Variants in PCNT observed in about 807,000 individuals in gnomAD.
PCNT encodes the protein pericentrin.
Under a neutral mutation model 380.4 loss-of-function variants are expected in PCNT, and 319 were observed. The observed-to-expected ratio is 0.84, with a 90% CI of 0.77 to 0.92. PCNT has a LOEUF of 0.92. Among genes scored for constraint, PCNT ranks in the 40% least tolerant of loss-of-function variants. The pLI is 0.00. For synonymous variants in PCNT, 1,845 were observed against 1,735.2 expected, an observed-to-expected ratio of 1.06 and a Z score of -1.57; for missense variants, 4,400 against 4,255.3, an observed-to-expected ratio of 1.03 and a Z score of -0.95.
At chr21:46,326,764 C>T (rs184954025) in intron 2 of PCNT, among the ~76,000 whole-genome samples, 175 bp downstream of exon 2, 12 of 152,170 alleles carry the variant, frequency 7.9e-5, no homozygotes, top group Admixed American at 1.3e-4. Flanking sequence ...CTGTAATCCC[C>T]GCACTTTGGG....
rs1569177447 is a variant in PCNT, at chr21:46,346,727, C to G, written c.721-16C>G. ...CTGACCATGGGCCCTTATCAGAGGC[C>G]TTTTCTCCGCCGCAGGCCGTGCATG... On this transcript the variant is annotated splice_polypyrimidine_tract_variant and intron_variant, in intron 4 of 46. Transcript: ENST00000359568. 1.3e-6 allele frequency: 2 copies of G among 1,591,134 alleles called. No homozygotes were observed. Among genetic ancestry groups the G allele is most frequent in the South Asian group, 1.1e-5 (1 of 87,264 alleles).
At position 46,445,563 on chromosome 21, in the gene PCNT, G is replaced by C. The variant is rs1280800751; in HGVS notation, c.*236G>C. 1.2e-5 allele frequency: 7 copies of C among 568,040 alleles called. No homozygotes were observed. The East Asian group carries it at 2.1e-4, about 17-fold the overall frequency. The allele number at this position is 568,040 out of a possible 1,614,324, so 35.2% of individuals were successfully genotyped here. ...GGCCCATGACCTTCGTGAGGTGACG[G>C]GCACTCACTCCCATGAGCCCTGGCT... On this transcript the variant is annotated 3_prime_UTR_variant, in exon 47 of 47. Coordinates refer to ENST00000359568, the MANE Select transcript of PCNT (RefSeq NM_006031.6).
In PCNT at chr21:46,425,806, C is replaced by T. The variant is rs1226486103; in HGVS notation, c.7180-25C>T. ...GCTGTGTGGGGTGGCAGGCAACTCC[C>T]TTCTGACGCGCTTTCCCGCCACAGG... is the stretch of plus-strand genomic sequence containing the variant. On this transcript the variant is annotated intron_variant, in intron 32 of 46. Transcript: ENST00000359568. The surrounding 1 kb of genome is among the most constrained non-coding windows in gnomAD (Gnocchi z 4.2). 2 of 1,612,516 alleles carry T rather than the reference C, an allele frequency of 1.2e-6. No individual in the cohort carries two copies. The highest frequency in any genetic ancestry group is 1.7e-6 in the Non-Finnish European group (2 of 1,179,842).
chr21:46,439,989 A>G (rs2053563685), intron 41 of PCNT, 94 bp from the exon 42 acceptor site: 1 of 1,513,908 alleles, frequency 6.6e-7, no homozygotes, highest in Non-Finnish European at 9.2e-7. Context: ...CTCCCCGCAC[A>G]TGGCCTTCTC....
intron 21 of PCNT, among the ~76,000 whole-genome samples, chr21:46,394,178 C>G (rs969129563): frequency 6.6e-6 from 1 of 152,250 alleles, no homozygotes; most frequent in South Asian, 2.1e-4. Flanking sequence ...GGCCTAGGCT[C>G]TGACGGTGGC....
At chr21:46,440,062 G>T (rs757539986) in intron 41 of PCNT, 21 bp from the exon 42 acceptor site, 2 of 1,613,632 alleles carry the variant, frequency 1.2e-6, no homozygotes, top group South Asian at 2.2e-5. Context: ...TGTAGACAGC[G>T]CTGGCTGTGC....
In PCNT at chr21:46,326,481, G is replaced by C. The variant is rs779505451; in HGVS notation, c.159G>C (p.Glu53Asp). The C allele has an allele frequency of 1.9e-6, 3 of 1,614,256 alleles. No individual in the cohort carries two copies. The highest frequency in any genetic ancestry group is 2.2e-5 in the South Asian group (2 of 91,090). Residue 53 changes from glutamate (E) to aspartate (D), a missense_variant, in exon 2 of 47, where the codon GAG becomes GAC. Coordinates refer to ENST00000359568, the MANE Select transcript of PCNT (RefSeq NM_006031.6). ...CTGTCGATGCGTCTGTCCAGGAGGA[G>C]AGTCCGGTAACCAAGGAGGACAGCG... ...GSAVDASVQEESPVTKEDSAL... is the reference protein window; with the variant it reads ...GSAVDASVQEDSPVTKEDSAL...
chr21:46,345,355 C>T (rs1419585566), intron 3 of PCNT, among the ~76,000 whole-genome samples: 1 of 152,012 alleles, frequency 6.6e-6, no homozygotes, highest in Non-Finnish European at 1.5e-5. Flanking sequence ...GTAGCTGGGA[C>T]TACAGGTGCC....
intron 5 of PCNT, among the ~76,000 whole-genome samples, chr21:46,347,230 G>C (rs559483659): frequency 6.6e-6 from 1 of 152,186 alleles, no homozygotes; most frequent in Non-Finnish European, 1.5e-5. Flanking sequence ...TGATAGGTGC[G>C]ACCCAGGGCT....
intron 41 of PCNT, among the ~76,000 whole-genome samples, chr21:46,438,627 A>G (rs1314904172): frequency 1.3e-5 from 2 of 151,806 alleles, no homozygotes; most frequent in Non-Finnish European, 2.9e-5. Context: ...TAAGAATATT[A>G]TAATCTGATC....
chr21:46,329,525 G>C (rs530088130), intron 2 of PCNT, among the ~76,000 whole-genome samples: 10 of 152,002 alleles, frequency 6.6e-5, no homozygotes, highest in African/African-American at 2.2e-4. Context: ...CATGTATTTT[G>C]GACATCTTAA....
intron 15 of PCNT, among the ~76,000 whole-genome samples, chr21:46,369,321 G>A (rs1234683039): frequency 6.6e-6 from 1 of 152,212 alleles, no homozygotes; most frequent in Non-Finnish European, 1.5e-5. Flanking sequence ...AGATCCTCTT[G>A]CCTTGGCCTC....
At chr21:46,386,578 C>T (rs1424947039) in intron 17 of PCNT, among the ~76,000 whole-genome samples, 3 of 152,220 alleles carry the variant, frequency 2.0e-5, no homozygotes, top group Admixed American at 6.5e-5. Context: ...GCCGTGGGGC[C>T]GCCTTCCCTG....
rs2087274974 is a variant in PCNT, at chr21:46,422,043, G to A, written c.7098G>A (p.Val2366=). 1 of 1,614,048 alleles carries A rather than the reference G, an allele frequency of 6.2e-7. No individual in the cohort carries two copies. The highest frequency in any genetic ancestry group is 2.2e-5 in the East Asian group (1 of 44,866). The change falls in exon 32 of 47, where the codon GTG becomes GTA. Residue 2366 remains valine (V), a synonymous_variant. Transcript: ENST00000359568. ...GGPEAQTAGP[V]TPASISGRFQ... ...CTGAGGCTCAAACTGCTGGTCCTGT[G>A]ACCCCTGCTTCCATCTCTGGAAGGT...
Position 46,366,619 on chromosome 21 carries a change from T to C in PCNT, c.2645T>C (p.Phe882Ser), listed in dbSNP as rs778799946. ...GAACGTAAAGAGATCACCGAGAAAT[T>C]CAGTGCGGAACAAGATGCCTTCCTG... The part of the protein sequence containing the change: ...LEERKEITEK[F>S]SAEQDAFLQE... The change falls in exon 15 of 47, where the codon TTC becomes TCC. Residue 882 changes from phenylalanine (F) to serine (S), a missense_variant. Phe to Ser is a radical substitution (Grantham distance 155). Transcript: ENST00000359568. 2 of 1,613,972 alleles carry C rather than the reference T, an allele frequency of 1.2e-6. No individual in the cohort carries two copies. The highest frequency in any genetic ancestry group is 4.5e-5 in the East Asian group (2 of 44,856).
chr21:46,330,209 C>T (rs1170761621), intron 2 of PCNT, among the ~76,000 whole-genome samples: 7 of 152,060 alleles, frequency 4.6e-5, no homozygotes. Flanking sequence ...CCTTGACCTC[C>T]TGGCCTCAAG....
In PCNT at chr21:46,438,289, G is replaced by C; in HGVS notation, c.9225G>C (p.Lys3075Asn). 1.2e-6 allele frequency: 2 copies of C among 1,614,174 alleles called. No individual in the cohort carries two copies. Among genetic ancestry groups the C allele is most frequent in the Non-Finnish European group, 1.7e-6 (2 of 1,180,034 alleles). ...TGGAGCTGAGCAGAGCCGTGTCTAA[G>C]CTTGAGAAGTTGCTGAAGCACCATC... ...EKLELSRAVSKLEKLLKHHLQ... is the reference protein window; with the variant it reads ...EKLELSRAVSNLEKLLKHHLQ... Residue 3075 changes from lysine to asparagine, a missense_variant, in exon 41 of 47, where the codon AAG becomes AAC. Physicochemically the swap from Lys to Asn is moderately conservative, Grantham distance 94. Coordinates refer to ENST00000359568, the MANE Select transcript of PCNT (RefSeq NM_006031.6).
chr21:46,426,011 T>A (rs780131220), intron 33 of PCNT, 40 bp downstream of exon 33: 17 of 1,612,224 alleles, frequency 1.1e-5, no homozygotes, highest in Non-Finnish European at 1.4e-5. Flanking sequence ...CCAAAGGATT[T>A]AAGGAGCTTG....
intron 45 of PCNT, 123 bp downstream of exon 45, chr21:46,444,071 T>C: frequency 1.9e-6 from 2 of 1,077,808 alleles, no homozygotes; most frequent in Non-Finnish European, 2.6e-6. Context: ...CAGGAAACTC[T>C]CCAGCGTGAG....
Sources: allele counts gnomAD v4.1 joint callset (sites outside exome capture counted in the v4.1 genomes callset), GRCh38; gene constraint gnomAD v4.1.1; non-coding constraint Gnocchi (gnomAD v3.1); transcripts MANE v1.5; gene names NCBI Gene and HGNC (gene_info 2026-07-23, HGNC 2026-07-21).